The following ZFC3H1 variants were observed in gnomAD, a reference collection of about 807,000 sequenced individuals.
The protein encoded by ZFC3H1 is zinc finger C3H1-type containing.
In ZFC3H1, 71 loss-of-function variants were observed where a neutral mutation model predicts 243.7. That is an observed-to-expected ratio of 0.29 (90% CI 0.24 to 0.36). ZFC3H1 has a LOEUF of 0.36. ZFC3H1 is among the 10% of genes least tolerant of loss of function. The probability of loss-of-function intolerance (pLI) is 1.00; values close to 1 mark genes in which losing one functional copy is unlikely to be tolerated. For missense variants in ZFC3H1, 1,966 were observed against 2,317.1 expected (o/e 0.85, Z 3.11); for synonymous variants, 838 against 813.0 (o/e 1.03, Z -0.52).
intron 3 of ZFC3H1, among the ~76,000 whole-genome samples, chr12:71,645,407 A>C (rs1880704966): frequency 6.6e-6 from 1 of 152,232 alleles, no homozygotes; most frequent in Non-Finnish European, 1.5e-5. Flanking sequence ...GGAAAGAGTA[A>C]AAGTCTGATG....
chr12:71,611,153 A>G (rs1202032926), intron 32 of ZFC3H1, 56 bp from the exon 33 acceptor site: 1 of 1,472,634 alleles, frequency 6.8e-7, no homozygotes, highest in African/African-American at 1.5e-5. Context: ...AAATTTATAT[A>G]TCTTTGAACA....
chr12:71,635,750 T>TAAA (rs1880443137), intron 9 of ZFC3H1, among the ~76,000 whole-genome samples, 170 bp from the exon 10 acceptor site: 1 of 152,304 alleles, frequency 6.6e-6, no homozygotes, highest in South Asian at 2.1e-4. Flanking sequence ...GACTGAGACA[T>TAAA]AAAATGTTGT....
In ZFC3H1 at chr12:71,636,679, A is replaced by C. The variant is rs550418230; in HGVS notation, c.1936-25T>G. On this transcript the variant is annotated intron_variant, in intron 8 of 34. Transcript: ENST00000378743. Reference sequence around the variant, plus strand: ...CCTACATAAGGAAGAGAAAGACATTAAACATTCCTAAATAAAAATAAATTT... The same window carrying C: ...CCTACATAAGGAAGAGAAAGACATTCAACATTCCTAAATAAAAATAAATTT... 19 of 1,582,700 alleles carry C rather than the reference A, an allele frequency of 1.2e-5. No homozygotes were observed. The East Asian group carries it at 3.4e-4, about 28-fold the overall frequency.
rs937371636 is a variant in ZFC3H1, at chr12:71,610,190, T to C, written c.*238A>G. The C allele has an allele frequency of 1.2e-5, 5 of 403,774 alleles. No homozygotes were observed. Among genetic ancestry groups the C allele is most frequent in the African/African-American group, 1.0e-4 (5 of 48,422 alleles). The allele number at this position is 403,774 out of a possible 1,614,324, so 25.0% of individuals were successfully genotyped here. A position where few individuals can be genotyped will look rare whatever the true frequency, so the allele number is the denominator to read the frequency against. On this transcript the variant is annotated 3_prime_UTR_variant, in exon 35 of 35. Coordinates refer to ENST00000378743, the MANE Select transcript of ZFC3H1 (RefSeq NM_144982.5). Reference sequence around the variant, plus strand: ...AGGAACTATACTTACGTATATGATGTTATGAGAATCTGGCAGGGCCTAGAA... The same window carrying C: ...AGGAACTATACTTACGTATATGATGCTATGAGAATCTGGCAGGGCCTAGAA...
At chr12:71,620,419 T>C in intron 24 of ZFC3H1, 104 bp from the exon 25 acceptor site, 1 of 1,097,168 alleles carries the variant, frequency 9.1e-7, no homozygotes, top group Middle Eastern at 2.1e-4. Flanking sequence ...AGATGACCCC[T>C]CCCTTTGATT....
Position 71,663,592 on chromosome 12 carries a change from G to C in ZFC3H1, c.19C>G (p.Pro7Ala). The change falls in exon 1 of 35, where the codon CCG becomes GCG. Residue 7 changes from proline to alanine, a missense_variant. This residue lies in a region of ZFC3H1 where 484 missense variants were observed against 449.7 expected (regional missense o/e 1.08). Transcript: ENST00000378743. ...GAGAGGCCACTGGAGGCCGGGGCCG[G>C]AGTATCTGCGGTCGCCATCCGGGGA... MATADTPAPASSGLSPK... is the reference protein window; with the variant it reads MATADTAAPASSGLSPK... The C allele has an allele frequency of 6.2e-7, 1 of 1,610,506 alleles. No individual in the cohort carries two copies. The highest frequency in any genetic ancestry group is 8.5e-7 in the Non-Finnish European group (1 of 1,179,362).
At chr12:71,636,427 T>C in intron 9 of ZFC3H1, 63 bp downstream of exon 9, 4 of 1,513,978 alleles carry the variant, frequency 2.6e-6, no homozygotes, top group Non-Finnish European at 3.6e-6. Flanking sequence ...ACAGGACAGC[T>C]AAACTTCATA....
In ZFC3H1 at chr12:71,632,868, T is replaced by C. The variant is rs1323514140; in HGVS notation, c.2817+18A>G. 13 of 1,604,134 alleles carry C rather than the reference T, an allele frequency of 8.1e-6. No individual in the cohort carries two copies. Among genetic ancestry groups the C allele is most frequent in the East Asian group, 2.2e-5 (1 of 44,728 alleles). ...CTTTCTGCTTTCCAAAAGTAAAATATTTCTATAAAACCCTCACCCCAAAGC... is the reference window on the plus strand; with the variant it reads ...CTTTCTGCTTTCCAAAAGTAAAATACTTCTATAAAACCCTCACCCCAAAGC... On this transcript the variant is annotated intron_variant, in intron 14 of 34. Transcript: ENST00000378743.
intron 29 of ZFC3H1, 46 bp downstream of exon 29, chr12:71,614,788 C>T (rs762446166): frequency 6.9e-6 from 11 of 1,595,114 alleles, no homozygotes; most frequent in East Asian, 2.2e-5. Flanking sequence ...CCGATCATAC[C>T]CCTTTATCCC....
chr12:71,640,864 G>GT lies in ZFC3H1; in HGVS notation c.1627+1571dup, dbSNP rs201779649. Among the ~76,000 whole-genome samples, 90 of 148,918 alleles carry GT rather than the reference G, an allele frequency of 6.0e-4. 1 individual carries two copies. The highest frequency in any genetic ancestry group is 1.4e-3 in the African/African-American group (58 of 40,520). ...TTTTTACCGTATTTGAATTCTCTTG[G>GT]TTTTTTTTTTCCCCCGCCCGGCGAA... On this transcript the variant is annotated intron_variant, in intron 6 of 34. Coordinates refer to ENST00000378743, the MANE Select transcript of ZFC3H1 (RefSeq NM_144982.5).
Position 71,636,929 on chromosome 12 carries a change from T to A in ZFC3H1, c.1856A>T (p.Asp619Val). 1 of 1,614,084 alleles carries A rather than the reference T, an allele frequency of 6.2e-7. No individual in the cohort carries two copies. The highest frequency in any genetic ancestry group is 8.5e-7 in the Non-Finnish European group (1 of 1,179,980). Residue 619 changes from aspartate (D) to valine (V), a missense_variant, in exon 8 of 35, where the codon GAT (aspartate) becomes GTT (valine). By Grantham distance (152) the Asp-to-Val change is radical. Around this residue, in one of 4 missense-constraint regions of ZFC3H1, gnomAD observed 1,383 missense variants for 1,723.7 expected, o/e 0.80. Transcript: ENST00000378743. The stretch of plus-strand genomic sequence containing the variant: ...CAGCATTTCTTCCTCCTCTTCCTCA[T>A]CTGCAAAAGGTGGTTTTGGAGGCTG... ...PEQPPKPPFADEEEEEEMLLR... is the reference protein window; with the variant it reads ...PEQPPKPPFAVEEEEEEMLLR...
At chr12:71,610,601 G>C in intron 34 of ZFC3H1, 36 bp from the exon 35 acceptor site, 1 of 1,612,502 alleles carries the variant, frequency 6.2e-7, no homozygotes, top group South Asian at 1.1e-5. Flanking sequence ...GTAAGACTTA[G>C]CTAGAGTTTG....
intron 3 of ZFC3H1, among the ~76,000 whole-genome samples, chr12:71,646,699 A>G (rs1163901242): frequency 6.6e-6 from 1 of 152,116 alleles, no homozygotes; most frequent in Admixed American, 6.6e-5. Context: ...TGATCAAACT[A>G]CCTCAGCCTT....
At chr12:71,646,437 C>A (rs867674090) in intron 3 of ZFC3H1, among the ~76,000 whole-genome samples, 11 of 152,182 alleles carry the variant, frequency 7.2e-5, no homozygotes, top group African/African-American at 2.4e-4. Flanking sequence ...CCACACTAAT[C>A]ACTTTTCAAG....
At chr12:71,662,441 C>T (rs1433836720) in intron 1 of ZFC3H1, among the ~76,000 whole-genome samples, 1 of 149,838 alleles carries the variant, frequency 6.7e-6, no homozygotes, top group African/African-American at 2.4e-5. Context: ...TCAAATGAAT[C>T]AAAAAGCTCT....
In ZFC3H1 at chr12:71,610,709, A is replaced by G. The variant is rs1326247560; in HGVS notation, c.5818T>C (p.Ser1940Pro). Reference protein sequence around the residue: ...RALQKLPLCASLWKDQLLFEA... With the variant: ...RALQKLPLCAPLWKDQLLFEA... ...AAAAGCATTACATCTTTCCACAGTG[A>G]TGCACAAAGAGGTAACTTCTGTAAG... Residue 1940 changes from serine (S) to proline (P), a missense_variant, in exon 34 of 35, where the codon TCA becomes CCA. This residue lies in a region of ZFC3H1 where 1,383 missense variants were observed against 1,723.7 expected (regional missense o/e 0.80). Transcript: ENST00000378743. 2.5e-6 allele frequency: 4 copies of G among 1,613,262 alleles called. No homozygotes were observed. In the East Asian group the frequency reaches 8.9e-5, roughly 36 times the overall value.
intron 2 of ZFC3H1, among the ~76,000 whole-genome samples, chr12:71,655,217 T>A (rs1445305671): frequency 1.3e-5 from 2 of 152,176 alleles, no homozygotes; most frequent in Admixed American, 1.3e-4. Context: ...GCAATCTTAT[T>A]TTCTGACAGT....
At chr12:71,655,171 G>A (rs919053318) in intron 2 of ZFC3H1, among the ~76,000 whole-genome samples, 1 of 151,988 alleles carries the variant, frequency 6.6e-6, no homozygotes, top group Non-Finnish European at 1.5e-5. Context: ...GACAATAAAG[G>A]AAGTCTCCAA....
chr12:71,619,148 C>T (rs1343142634), intron 27 of ZFC3H1, among the ~76,000 whole-genome samples, 167 bp downstream of exon 27: 1 of 152,112 alleles, frequency 6.6e-6, no homozygotes, highest in Admixed American at 6.5e-5. Flanking sequence ...TCCATCTTGC[C>T]TCCATTTTTA....
Sources: gnomAD v4.1 joint callset for allele counts (sites outside exome capture counted in the v4.1 genomes callset) on GRCh38, gnomAD v4.1.1 for gene constraint, gnomAD v4.1.1 regional missense constraint, MANE v1.5 for transcripts, NCBI Gene and HGNC (gene_info 2026-07-23, HGNC 2026-07-21) for gene names.